The following RALGAPA2 variants were observed in gnomAD, a reference collection of about 807,000 sequenced individuals.
The protein encoded by RALGAPA2 is ral GTPase-activating protein subunit alpha-2.
Under a neutral mutation model 230.4 loss-of-function variants are expected in RALGAPA2, and 139 were observed. The ratio of observed to expected loss-of-function variants is 0.60; its 90% confidence interval spans 0.53 to 0.69. The LOEUF is 0.69. Ranked by LOEUF, RALGAPA2 falls within the 30% of genes least tolerant of loss-of-function variation. The probability of loss-of-function intolerance (pLI) is 0.00; values close to 1 mark genes in which losing one functional copy is unlikely to be tolerated. For synonymous variants in RALGAPA2, 847 were observed against 837.8 expected (o/e 1.01, Z -0.19); for missense variants, 2,163 against 2,276.0 (o/e 0.95, Z 1.01).
chr20:20,425,692 A>G lies in RALGAPA2; in HGVS notation c.5496-13544T>C, dbSNP rs115738327. Among the ~76,000 whole-genome samples, 581 of 152,310 alleles carry G rather than the reference A, an allele frequency of 3.8e-3. 6 individuals carry two copies. Among genetic ancestry groups the G allele is most frequent in the African/African-American group, 0.014 (564 of 41,574 alleles). ...CTGCTTGAGTGGTACGCTGGGTTGCAAAGCACACCTGAGTGATAAATATTA... is the reference window on the plus strand; with the variant it reads ...CTGCTTGAGTGGTACGCTGGGTTGCGAAGCACACCTGAGTGATAAATATTA... On this transcript the variant is annotated intron_variant, in intron 37 of 39. Transcript: ENST00000202677.
chr20:20,489,370 C>T (rs1316342971), intron 36 of RALGAPA2, among the ~76,000 whole-genome samples: 2 of 152,098 alleles, frequency 1.3e-5, no homozygotes, highest in East Asian at 1.9e-4. Context: ...TAAGATCATT[C>T]GTGTTGCCAG....
At position 20,396,694 on chromosome 20, in the gene RALGAPA2, C is replaced by T; in HGVS notation, c.*35+1G>A. 1 of 1,608,812 alleles carries T rather than the reference C, an allele frequency of 6.2e-7. No individual in the cohort carries two copies. The highest frequency in any genetic ancestry group is 8.5e-7 in the Non-Finnish European group (1 of 1,175,828). On this transcript the variant is annotated splice_donor_variant, in intron 39 of 39. Coordinates refer to ENST00000202677, the MANE Select transcript of RALGAPA2 (RefSeq NM_020343.4). LOFTEE classifies it low-confidence loss of function (3UTR_SPLICE). ...CAAATCCACTGAAGTGTCTGTCTTACCTTGCTCAAATATTGAAATGAGACC... is the reference window on the plus strand; with the variant it reads ...CAAATCCACTGAAGTGTCTGTCTTATCTTGCTCAAATATTGAAATGAGACC...
intron 31 of RALGAPA2, among the ~76,000 whole-genome samples, chr20:20,517,161 C>G (rs1165252572): frequency 6.6e-6 from 1 of 152,206 alleles, no homozygotes; most frequent in African/African-American, 2.4e-5. Flanking sequence ...CAGAAGCACT[C>G]TCCAAGTTTA....
intron 33 of RALGAPA2, among the ~76,000 whole-genome samples, chr20:20,505,867 C>G (rs564503864): frequency 6.6e-6 from 1 of 152,108 alleles, no homozygotes; most frequent in Non-Finnish European, 1.5e-5. Flanking sequence ...TAAGATACAC[C>G]GACCAGAAGG....
At chr20:20,701,674 G>A (rs770617650) in intron 1 of RALGAPA2, among the ~76,000 whole-genome samples, 3 of 152,134 alleles carry the variant, frequency 2.0e-5, no homozygotes, top group Non-Finnish European at 2.9e-5. Flanking sequence ...AGGTTGCAGT[G>A]AGTGGAGATT....
chr20:20,409,848 A>C (rs8123622), intron 38 of RALGAPA2, among the ~76,000 whole-genome samples: 1,936 of 152,320 alleles, frequency 0.013, 37 homozygotes, highest in African/African-American at 0.044. Flanking sequence ...ATTCCTACTC[A>C]GCGTTATGAG....
chr20:20,521,130 G>A, intron 30 of RALGAPA2, 30 bp from the exon 31 acceptor site: 1 of 1,549,656 alleles, frequency 6.5e-7, no homozygotes, highest in Non-Finnish European at 8.8e-7. Context: ...GTGCACCACG[G>A]ATGCTACTCA....
intron 25 of RALGAPA2, 34 bp from the exon 26 acceptor site, chr20:20,535,837 T>A: frequency 6.5e-7 from 1 of 1,535,444 alleles, no homozygotes; most frequent in Non-Finnish European, 8.8e-7. Flanking sequence ...ATAAAAACTT[T>A]GTGTCATAGT....
intron 1 of RALGAPA2, among the ~76,000 whole-genome samples, chr20:20,683,743 G>T (rs1457190995): frequency 3.3e-5 from 5 of 152,184 alleles, no homozygotes; most frequent in Admixed American, 2.6e-4. Flanking sequence ...AGAATGCCCT[G>T]AAGATGATAA....
At chr20:20,551,370 A>G (rs1271777994) in intron 23 of RALGAPA2, among the ~76,000 whole-genome samples, 1 of 152,244 alleles carries the variant, frequency 6.6e-6, no homozygotes. Flanking sequence ...AGAAATTAAA[A>G]TTCATCCTGC....
At chr20:20,400,340 T>C (rs1259816553) in intron 38 of RALGAPA2, among the ~76,000 whole-genome samples, 1 of 152,162 alleles carries the variant, frequency 6.6e-6, no homozygotes, top group Admixed American at 6.5e-5. Flanking sequence ...CCATCACCCT[T>C]GGTTCAGAAG....
At chr20:20,682,836 T>C (rs1333460790) in intron 1 of RALGAPA2, among the ~76,000 whole-genome samples, 2 of 152,084 alleles carry the variant, frequency 1.3e-5, no homozygotes, top group Admixed American at 6.6e-5. Context: ...AGGGAAGAAA[T>C]AGCCTAACCC....
intron 36 of RALGAPA2, among the ~76,000 whole-genome samples, chr20:20,490,832 C>G (rs2062030739): frequency 1.3e-5 from 2 of 150,926 alleles, no homozygotes; most frequent in Middle Eastern, 3.2e-3. Context: ...CTAGATGTCA[C>G]CCTGAAGAGG....
At chr20:20,505,319 A>C in intron 34 of RALGAPA2, 92 bp downstream of exon 34, 11 of 1,311,030 alleles carry the variant, frequency 8.4e-6, no homozygotes, top group Non-Finnish European at 1.1e-5. Flanking sequence ...ATTTGAATGC[A>C]AAAGCACATG....
At chr20:20,690,463 C>T (rs2068861577) in intron 1 of RALGAPA2, among the ~76,000 whole-genome samples, 1 of 152,118 alleles carries the variant, frequency 6.6e-6, no homozygotes, top group African/African-American at 2.4e-5. Flanking sequence ...ACTCAGGTTT[C>T]CATCCATCTC....
intron 4 of RALGAPA2, among the ~76,000 whole-genome samples, chr20:20,653,195 CAAAAAAAAAAAAAAAAA>C (rs60906434): frequency 1.5e-4 from 4 of 27,512 alleles, no homozygotes; most frequent in Admixed American, 6.3e-4. Flanking sequence ...GACTCCATCT[CAAAAAAAAAAAAAAAAA>C]AAAAAAAAAA....
intron 9 of RALGAPA2, 71 bp downstream of exon 9, chr20:20,635,347 T>TA (rs1296436174): frequency 2.1e-6 from 3 of 1,438,196 alleles, no homozygotes; most frequent in Non-Finnish European, 2.9e-6. Context: ...TAACAATCAA[T>TA]AACTTTGGCT....
intron 23 of RALGAPA2, among the ~76,000 whole-genome samples, chr20:20,565,882 T>C (rs1489201427): frequency 6.6e-6 from 1 of 152,340 alleles, no homozygotes; most frequent in Middle Eastern, 3.4e-3. Flanking sequence ...AGGGTCTTAC[T>C]TGCAGGCAAG....
intron 15 of RALGAPA2, 61 bp downstream of exon 15, chr20:20,605,114 A>G: frequency 7.0e-7 from 1 of 1,421,814 alleles, no homozygotes; most frequent in South Asian, 1.2e-5. Context: ...GCTTAGTCAT[A>G]CAAATACACA....
Sources: gnomAD v4.1 joint callset for allele counts (sites outside exome capture counted in the v4.1 genomes callset) on GRCh38, gnomAD v4.1.1 for gene constraint, MANE v1.5 for transcripts, NCBI Gene and HGNC (gene_info 2026-07-23, HGNC 2026-07-21) for gene names.